Variants in SHANK2 observed in about 807,000 individuals in gnomAD.
SHANK2 encodes the protein SH3 and multiple ankyrin repeat domains protein 2.
In SHANK2, 43 loss-of-function variants were observed where a neutral mutation model predicts 133.7. The observed-to-expected ratio is 0.32, with a 90% confidence interval of 0.25 to 0.41. SHANK2 has a LOEUF of 0.41. Among genes scored for constraint, SHANK2 ranks in the 10% least tolerant of loss-of-function variants. The pLI is 1.00. For synonymous variants in SHANK2, 1,017 were observed against 952.8 expected (o/e 1.07, Z -1.24); for missense variants, 1,994 against 2,235.8 (o/e 0.89, Z 2.18).
At chr11:71,076,049 G>A (rs1951213967) in intron 8 of SHANK2, among the ~76,000 whole-genome samples, 1 of 152,174 alleles carries the variant, frequency 6.6e-6, no homozygotes, top group Non-Finnish European at 1.5e-5. Context: ...GAACACCACA[G>A]GGCCTCACAC....
chr11:70,830,436 C>T lies in SHANK2; in HGVS notation c.1175-9754G>A, dbSNP rs1382750300. On this transcript the variant is annotated intron_variant, in intron 11 of 25. Transcript: ENST00000601538. The surrounding 1 kb of genome is among the most constrained non-coding windows in gnomAD (Gnocchi z 4.4). ...GCCCCAGGTAGATGGTTCGCATTCTCCTGCCATCTGCACACAGGCCCGGCC... is the reference window on the plus strand; with the variant it reads ...GCCCCAGGTAGATGGTTCGCATTCTTCTGCCATCTGCACACAGGCCCGGCC... Among the ~76,000 whole-genome samples the T allele has an allele frequency of 6.6e-6, 1 of 152,182 alleles. No individual in the cohort carries two copies. Among genetic ancestry groups the T allele is most frequent in the Non-Finnish European group, 1.5e-5 (1 of 68,040 alleles).
intron 17 of SHANK2, among the ~76,000 whole-genome samples, chr11:70,526,501 C>A (rs543583145): frequency 6.6e-6 from 1 of 152,178 alleles, no homozygotes; most frequent in African/African-American, 2.4e-5. Context: ...ACATGGGAGG[C>A]GTGTACCATG....
intron 2 of SHANK2, among the ~76,000 whole-genome samples, chr11:71,216,134 G>A (rs1375990478): frequency 1.3e-5 from 2 of 152,188 alleles, no homozygotes; most frequent in Non-Finnish European, 2.9e-5. Context: ...ATCTACCCGA[G>A]AGAAACGAAA....
intron 9 of SHANK2, among the ~76,000 whole-genome samples, chr11:71,067,353 T>C (rs1263593081): frequency 6.6e-6 from 1 of 152,218 alleles, no homozygotes; most frequent in Non-Finnish European, 1.5e-5. Context: ...CCTAGCCTAG[T>C]AACCTTTGAT....
At chr11:70,578,058 G>A (rs1012883700) in intron 17 of SHANK2, among the ~76,000 whole-genome samples, 9 of 152,258 alleles carry the variant, frequency 5.9e-5, no homozygotes, top group African/African-American at 2.2e-4. Flanking sequence ...CCAACGTCCC[G>A]TGTAAGCCGC....
intron 11 of SHANK2, among the ~76,000 whole-genome samples, chr11:70,880,341 G>A (rs1341439943): frequency 2.6e-5 from 4 of 152,206 alleles, no homozygotes; most frequent in African/African-American, 7.2e-5. Context: ...ACCGGGCTTC[G>A]GGGGCTGCTG....
At chr11:70,907,919 T>C (rs572828494) in intron 10 of SHANK2, 25 of 452,560 alleles carry the variant, frequency 5.5e-5, no homozygotes, top group South Asian at 3.4e-4. Context: ...CTGGCCAACA[T>C]AGCAAAACCC....
At chr11:70,621,567 G>T (rs1411501078) in intron 17 of SHANK2, among the ~76,000 whole-genome samples, 1 of 152,224 alleles carries the variant, frequency 6.6e-6, no homozygotes, top group Non-Finnish European at 1.5e-5. Flanking sequence ...CTGGGTGGAA[G>T]GAAGGAAGGA....
chr11:70,943,763 GTC>G (rs1555084793), intron 10 of SHANK2, among the ~76,000 whole-genome samples: 1 of 152,174 alleles, frequency 6.6e-6, no homozygotes, highest in Non-Finnish European at 1.5e-5. Flanking sequence ...ACAATGTCCT[GTC>G]TGGATGGATG....
chr11:71,163,097 C>T (rs58030656), intron 2 of SHANK2, among the ~76,000 whole-genome samples: 7,511 of 98,186 alleles, frequency 0.076, 1,090 homozygotes, highest in African/African-American at 0.2. Context: ...AAAAAAAATA[C>T]ATATATATAT....
intron 17 of SHANK2, among the ~76,000 whole-genome samples, chr11:70,639,202 G>A (rs1555005399): frequency 6.6e-6 from 1 of 152,120 alleles, no homozygotes; most frequent in Non-Finnish European, 1.5e-5. Flanking sequence ...CTCAGGAAAT[G>A]GCCAGTTTGG....
At chr11:70,916,742 T>C (rs1300811831) in intron 10 of SHANK2, among the ~76,000 whole-genome samples, 2 of 151,968 alleles carry the variant, frequency 1.3e-5, no homozygotes, top group Non-Finnish European at 2.9e-5. Context: ...GACTCCAGGG[T>C]CTCTATCCTG....
rs370300308 is a variant in SHANK2 at position 70,814,847 on chromosome 11, G to C, written c.1493+5517C>G. Among the ~76,000 whole-genome samples the C allele has an allele frequency of 6.6e-5, 10 of 152,338 alleles. No individual in the cohort carries two copies. In the East Asian group the frequency reaches 1.9e-3, roughly 29 times the overall value. On this transcript the variant is annotated intron_variant, in intron 12 of 25. Transcript: ENST00000601538. The stretch of plus-strand genomic sequence containing the variant: ...GGGTGGCCAGGACATTCCCTGGTGG[G>C]TGAGGCCAGGGCAGCCCTTGGGACT...
At chr11:70,681,323 A>G (rs1945025309) in intron 15 of SHANK2, among the ~76,000 whole-genome samples, 1 of 152,194 alleles carries the variant, frequency 6.6e-6, no homozygotes, top group Non-Finnish European at 1.5e-5. Context: ...GCACTGGAGG[A>G]GAATTCAGAA....
At chr11:70,529,517 C>T (rs577263387) in intron 17 of SHANK2, among the ~76,000 whole-genome samples, 5 of 152,350 alleles carry the variant, frequency 3.3e-5, no homozygotes, top group Admixed American at 1.3e-4. Context: ...GAAGGTCCTC[C>T]TCTCCTGACA....
chr11:70,729,423 G>T (rs1433637512), intron 14 of SHANK2, among the ~76,000 whole-genome samples: 1 of 152,128 alleles, frequency 6.6e-6, no homozygotes, highest in Non-Finnish European at 1.5e-5. Flanking sequence ...TGGGCACGGG[G>T]CTTCCTTTTG....
intron 14 of SHANK2, chr11:70,705,357 A>C (rs1409312208): frequency 6.6e-6 from 1 of 152,168 alleles, no homozygotes; most frequent in Non-Finnish European, 1.5e-5. Context: ...GGGCCAGTAC[A>C]TCCTAGGCAG....
Position 70,500,533 on chromosome 11 carries a change from G to A in SHANK2, c.2308+37C>T, listed in dbSNP as rs781967057. 27 of 1,593,416 alleles carry A rather than the reference G, an allele frequency of 1.7e-5. No homozygotes were observed. Among genetic ancestry groups the A allele is most frequent in the Non-Finnish European group, 2.1e-5 (24 of 1,170,222 alleles). On this transcript the variant is annotated intron_variant, in intron 21 of 25. Transcript: ENST00000601538. The surrounding 1 kb of genome is among the most constrained non-coding windows in gnomAD (Gnocchi z 4.5). Reference sequence around the variant, plus strand: ...TGTTTCTGTTCCACAGGGGGGTGATGGGCAGGGGGCTGAGACAGACACTGG... The same window carrying A: ...TGTTTCTGTTCCACAGGGGGGTGATAGGCAGGGGGCTGAGACAGACACTGG...
chr11:70,584,026 A>G (rs1330224139), intron 17 of SHANK2, among the ~76,000 whole-genome samples: 1 of 152,062 alleles, frequency 6.6e-6, no homozygotes, highest in Non-Finnish European at 1.5e-5. Flanking sequence ...AGCCACCGCG[A>G]GCATGCTCCT....
Sources: allele counts gnomAD v4.1 joint callset (sites outside exome capture counted in the v4.1 genomes callset), GRCh38; gene constraint gnomAD v4.1.1; non-coding constraint Gnocchi (gnomAD v3.1); transcripts MANE v1.5; gene names NCBI Gene and HGNC (gene_info 2026-07-23, HGNC 2026-07-21).